ANLN: variants seen among roughly 807,000 people sequenced by gnomAD.
ANLN encodes the protein anillin.
A neutral mutation model predicts 135.1 loss-of-function variants in ANLN; 59 were observed. That is an observed-to-expected ratio of 0.44 (90% confidence interval 0.35 to 0.54). The LOEUF (loss-of-function observed/expected upper bound fraction) is 0.54. ANLN is among the 20% of genes least tolerant of loss of function. ANLN has a pLI of 0.00. For synonymous variants in ANLN, 406 were observed against 456.4 expected (o/e 0.89, Z 1.41); for missense variants, 1,182 against 1,340.0 (o/e 0.88, Z 1.84).
chr7:36,450,289 T>C (rs1295493082), intron 23 of ANLN, among the ~76,000 whole-genome samples: 2 of 152,098 alleles, frequency 1.3e-5, no homozygotes, highest in East Asian at 3.9e-4. Context: ...CTTTTGGGAG[T>C]GCCCCTTTTT....
At chr7:36,423,984 T>G in intron 15 of ANLN, 41 bp downstream of exon 15, 2 of 1,592,642 alleles carry the variant, frequency 1.3e-6, no homozygotes, top group Non-Finnish European at 1.7e-6. Flanking sequence ...TGCATTTTTC[T>G]TTTTGTAGAG....
At chr7:36,418,738 T>C (rs989646634) in intron 9 of ANLN, among the ~76,000 whole-genome samples, 14 of 149,100 alleles carry the variant, frequency 9.4e-5, no homozygotes, top group African/African-American at 3.2e-4. Context: ...TTCATTTCTT[T>C]TTCTTTTTCT....
At chr7:36,412,322 TA>T (rs1562795956) in intron 7 of ANLN, among the ~76,000 whole-genome samples, 19 of 115,826 alleles carry the variant, frequency 1.6e-4, no homozygotes, top group South Asian at 7.9e-4. Context: ...TATATATATA[TA>T]TATATTTTTT....
rs202035722 is a variant in ANLN, at chr7:36,415,895, C to T, written c.1522+11C>T. ...GTACAGAACCTAAAGGTCAGTGTTT[C>T]CAGATTGTTCATGGTTAGTATGTAG... On this transcript the variant is annotated intron_variant, in intron 8 of 23. Coordinates refer to ENST00000265748, the MANE Select transcript of ANLN (RefSeq NM_018685.5). 2.8e-5 allele frequency: 44 copies of T among 1,568,836 alleles called. No individual in the cohort carries two copies. In the East Asian group the frequency reaches 4.1e-4, roughly 15 times the overall value.
intron 9 of ANLN, among the ~76,000 whole-genome samples, chr7:36,418,067 A>C (rs1787719451): frequency 6.6e-6 from 1 of 152,134 alleles, no homozygotes; most frequent in African/African-American, 2.4e-5. Context: ...GAACTCTGGG[A>C]AATACTTACG....
chr7:36,401,476 T>C (rs1157182431), intron 3 of ANLN, among the ~76,000 whole-genome samples: 1 of 152,190 alleles, frequency 6.6e-6, no homozygotes, highest in East Asian at 1.9e-4. Context: ...GTGGCTGGGA[T>C]TACAGGCACA....
At chr7:36,441,516 T>A (rs1251796349) in intron 21 of ANLN, among the ~76,000 whole-genome samples, 1 of 152,210 alleles carries the variant, frequency 6.6e-6, no homozygotes, top group Non-Finnish European at 1.5e-5. Flanking sequence ...GGAGGGCGAC[T>A]CCAACCAAAG....
Position 36,408,042 on chromosome 7 carries a change from T to G in ANLN, c.1096+86T>G, listed in dbSNP as rs959815583. On this transcript the variant is annotated intron_variant, in intron 5 of 23. Coordinates refer to ENST00000265748, the MANE Select transcript of ANLN (RefSeq NM_018685.5). ...ATTTTAAATATTCAATTGTGAATGG[T>G]ACAGCAATGATTTGCCAGGGCCAAT... 6.5e-6 allele frequency: 7 copies of G among 1,073,300 alleles called. No individual in the cohort carries two copies. In the African/African-American group the frequency reaches 1.1e-4, roughly 17 times the overall value. The allele number at this position is 1,073,300 out of a possible 1,614,324, so 66.5% of individuals were successfully genotyped here.
At position 36,417,166 on chromosome 7, in the gene ANLN, G is replaced by A. The variant is rs201945941; in HGVS notation, c.1609G>A (p.Asp537Asn). 17 of 1,606,168 alleles carry A rather than the reference G, an allele frequency of 1.1e-5. No homozygotes were observed. In the African/African-American group the frequency reaches 2.1e-4, roughly 20 times the overall value. ...GGACAAATCCTTAAAAGTAACATCA[G>A]ACCCAAAGGTTGAGCAGAAAATTGG... is the stretch of plus-strand genomic sequence containing the variant. ...EEDKSLKVTS[D>N]PKVEQKIEVI... The change falls in exon 9 of 24, where the codon GAC becomes AAC. Residue 537 changes from aspartate to asparagine, a missense_variant. Physicochemically the swap from Asp to Asn is conservative, Grantham distance 23 (BLOSUM62 1). This residue lies in a region of ANLN where 1,022 missense variants were observed against 1,134.0 expected (regional missense o/e 0.90). Coordinates refer to ENST00000265748, the MANE Select transcript of ANLN (RefSeq NM_018685.5).
chr7:36,430,330 C>T (rs1788263109), intron 20 of ANLN, among the ~76,000 whole-genome samples: 1 of 152,096 alleles, frequency 6.6e-6, no homozygotes, highest in South Asian at 2.1e-4. Context: ...GAGGTTAATC[C>T]AGTTGGTTTG....
At chr7:36,402,184 C>T (rs75524617) in intron 3 of ANLN, among the ~76,000 whole-genome samples, 1 of 110,538 alleles carries the variant, frequency 9.0e-6, no homozygotes, top group African/African-American at 4.0e-5. Flanking sequence ...CAATCTTGGC[C>T]CACTGCAACT....
chr7:36,412,876 A>T (rs909559502), intron 7 of ANLN, among the ~76,000 whole-genome samples: 2 of 152,118 alleles, frequency 1.3e-5, no homozygotes, highest in African/African-American at 4.8e-5. Context: ...CTCTGCCAGG[A>T]ATATTTCCCT....
At chr7:36,415,982 C>T in intron 8 of ANLN, 98 bp downstream of exon 8, 1 of 1,133,434 alleles carries the variant, frequency 8.8e-7, no homozygotes, top group Non-Finnish European at 1.2e-6. Flanking sequence ...TTTGTTTGTT[C>T]TAACGTTTTT....
chr7:36,443,289 T>A (rs962462089), intron 21 of ANLN, among the ~76,000 whole-genome samples: 1 of 152,236 alleles, frequency 6.6e-6, no homozygotes, highest in African/African-American at 2.4e-5. Context: ...AGTTAACTCT[T>A]TTCTAATCCT....
At chr7:36,412,133 A>G (rs1787438492) in intron 7 of ANLN, among the ~76,000 whole-genome samples, 1 of 151,242 alleles carries the variant, frequency 6.6e-6, no homozygotes, top group Admixed American at 6.6e-5. Context: ...CCCCTAGCAC[A>G]CATATGCATA....
chr7:36,452,652 A>G lies in ANLN; in HGVS notation c.*52A>G. ...GGTTTTTGATGTCATCTTAAGAAAC[A>G]CACTTAAGAGCATCAGATTTACTGA... is the stretch of plus-strand genomic sequence containing the variant. On this transcript the variant is annotated 3_prime_UTR_variant, in exon 24 of 24. Coordinates refer to ENST00000265748, the MANE Select transcript of ANLN (RefSeq NM_018685.5). The G allele has an allele frequency of 6.3e-7, 1 of 1,598,234 alleles. No homozygotes were observed. Among genetic ancestry groups the G allele is most frequent in the Non-Finnish European group, 8.6e-7 (1 of 1,169,300 alleles).
rs553055222 is a variant in ANLN at position 36,401,174 on chromosome 7, A to G, written c.487+1781A>G. Among the ~76,000 whole-genome samples the G allele has an allele frequency of 2.1e-4, 32 of 152,278 alleles. No individual in the cohort carries two copies. In the South Asian group the frequency reaches 6.6e-3, roughly 32 times the overall value. On this transcript the variant is annotated intron_variant, in intron 3 of 23. Coordinates refer to ENST00000265748, the MANE Select transcript of ANLN (RefSeq NM_018685.5). ...AAATTTTTTTATTCTAATAGCGTTTAATTCTTATAATCTTGAGATATATAC... is the reference window on the plus strand; with the variant it reads ...AAATTTTTTTATTCTAATAGCGTTTGATTCTTATAATCTTGAGATATATAC...
At chr7:36,422,924 C>A in intron 14 of ANLN, 115 bp downstream of exon 14, 2 of 877,306 alleles carry the variant, frequency 2.3e-6, no homozygotes, top group Non-Finnish European at 3.3e-6. Context: ...GTATCTTTGG[C>A]CTTTAGGTCC....
At position 36,452,651 on chromosome 7, in the gene ANLN, C is replaced by T; in HGVS notation, c.*51C>T. On this transcript the variant is annotated 3_prime_UTR_variant, in exon 24 of 24. Coordinates refer to ENST00000265748, the MANE Select transcript of ANLN (RefSeq NM_018685.5). Reference sequence around the variant, plus strand: ...AGGTTTTTGATGTCATCTTAAGAAACACACTTAAGAGCATCAGATTTACTG... The same window carrying T: ...AGGTTTTTGATGTCATCTTAAGAAATACACTTAAGAGCATCAGATTTACTG... 1 of 1,599,600 alleles carries T rather than the reference C, an allele frequency of 6.3e-7. No homozygotes were observed. Among genetic ancestry groups the T allele is most frequent in the Non-Finnish European group, 8.5e-7 (1 of 1,170,328 alleles).
Sources: allele counts gnomAD v4.1 joint callset (sites outside exome capture counted in the v4.1 genomes callset), GRCh38; gene constraint gnomAD v4.1.1; regional missense constraint gnomAD v4.1.1; transcripts MANE v1.5; gene names NCBI Gene and HGNC (gene_info 2026-07-23, HGNC 2026-07-21).